The following GAD2 variants were observed in gnomAD, a reference collection of about 807,000 sequenced individuals.
GAD2 encodes the protein glutamate decarboxylase 2.
A neutral mutation model predicts 80.1 loss-of-function variants in GAD2; 22 were observed. The observed-to-expected ratio is 0.27, with a 90% CI of 0.20 to 0.39. The LOEUF (loss-of-function observed/expected upper bound fraction) is 0.39. Among genes scored for constraint, GAD2 ranks in the 10% least tolerant of loss-of-function variants. The pLI, the probability that GAD2 is intolerant of heterozygous loss-of-function variation, is 1.00. For missense variants in GAD2, 624 were observed against 738.4 expected, an observed-to-expected ratio of 0.85 and a Z score of 1.80; for synonymous variants, 274 against 256.9, an observed-to-expected ratio of 1.07 and a Z score of -0.64.
chr10:26,229,598 G>A, intron 6 of GAD2, 64 bp from the exon 7 acceptor site: 2 of 1,145,920 alleles, frequency 1.7e-6, no homozygotes, highest in Non-Finnish European at 2.6e-6. Flanking sequence ...AATAAGGAAT[G>A]TTGCTTGCAT....
intron 12 of GAD2, among the ~76,000 whole-genome samples, chr10:26,281,838 T>C (rs142942849): frequency 6.6e-6 from 1 of 152,224 alleles, no homozygotes; most frequent in Non-Finnish European, 1.5e-5. Flanking sequence ...ATTTTGTTGA[T>C]GAAACCCAAA....
chr10:26,246,312 C>T (rs1844809491), intron 8 of GAD2, among the ~76,000 whole-genome samples: 1 of 152,162 alleles, frequency 6.6e-6, no homozygotes, highest in African/African-American at 2.4e-5. Context: ...GCACTTTGAG[C>T]ACTGATTTAT....
chr10:26,279,257 T>C (rs1845246263), intron 11 of GAD2, among the ~76,000 whole-genome samples: 1 of 151,994 alleles, frequency 6.6e-6, no homozygotes, highest in Non-Finnish European at 1.5e-5. Flanking sequence ...ACAGAGATCA[T>C]ACTGAAAGAA....
At chr10:26,259,759 G>A (rs895936799) in intron 8 of GAD2, among the ~76,000 whole-genome samples, 1 of 152,056 alleles carries the variant, frequency 6.6e-6, no homozygotes, top group African/African-American at 2.4e-5. Context: ...CCTTTGGTAT[G>A]ATGTCCAAGA....
chr10:26,217,794 G>A lies in GAD2; in HGVS notation c.137-48G>A, dbSNP rs1474851650. 2 of 1,580,122 alleles carry A rather than the reference G, an allele frequency of 1.3e-6. No individual in the cohort carries two copies. The highest frequency in any genetic ancestry group is 1.7e-6 in the Non-Finnish European group (2 of 1,162,376). ...GCGGGTAGGCGGGAGCGAGGGAGCC[G>A]GGCCCGGCGGAGGATTGACGAGGCC... On this transcript the variant is annotated intron_variant, in intron 2 of 15. Transcript: ENST00000376261. The surrounding 1 kb of genome is among the most constrained non-coding windows in gnomAD (Gnocchi z 4.9).
intron 8 of GAD2, among the ~76,000 whole-genome samples, chr10:26,257,944 A>G (rs1844963164): frequency 6.6e-6 from 1 of 152,164 alleles, no homozygotes; most frequent in African/African-American, 2.4e-5. Flanking sequence ...GAGACACCGA[A>G]TCGATTATTC....
chr10:26,226,742 A>T (rs1460477751), intron 6 of GAD2, among the ~76,000 whole-genome samples: 1 of 152,226 alleles, frequency 6.6e-6, no homozygotes, highest in Non-Finnish European at 1.5e-5. Context: ...ATACTGTGTC[A>T]TAGCTCCATC....
intron 8 of GAD2, among the ~76,000 whole-genome samples, chr10:26,263,977 G>T (rs538991335): frequency 6.6e-6 from 1 of 152,152 alleles, no homozygotes; most frequent in Non-Finnish European, 1.5e-5. Flanking sequence ...TCTAGGTTTT[G>T]TTATCAGACA....
At position 26,242,235 on chromosome 10, in the gene GAD2, C is replaced by T. The variant is rs1056887956; in HGVS notation, c.841-3686C>T. ...TCTCCTGACCTCGTGATCCGCCTGC[C>T]TCAGCCTCCCAAAGTGCTGGGATTA... On this transcript the variant is annotated intron_variant, in intron 7 of 15. Coordinates refer to ENST00000376261, the MANE Select transcript of GAD2 (RefSeq NM_001134366.2). Among the ~76,000 whole-genome samples the T allele has an allele frequency of 7.2e-5, 11 of 152,210 alleles. No homozygotes were observed. In the East Asian group the frequency reaches 7.7e-4, roughly 11 times the overall value.
chr10:26,248,231 A>G (rs956789543), intron 8 of GAD2, among the ~76,000 whole-genome samples: 3 of 152,230 alleles, frequency 2.0e-5, no homozygotes, highest in African/African-American at 4.8e-5. Context: ...AGGGTGGGAT[A>G]TCTTGAAGCA....
At chr10:26,216,645 G>T (rs1260473917), upstream of GAD2, 1 of 491,788 alleles carries the variant, frequency 2.0e-6, no homozygotes, top group Non-Finnish European at 3.5e-6. This position sits in a 1 kb window ranked among gnomAD's most constrained non-coding sequence, Gnocchi z 4.7. Context: ...AGACACGCAC[G>T]TTTTCTGTTC....
intron 13 of GAD2, 70 bp from the exon 14 acceptor site, chr10:26,292,395 C>A: frequency 3.6e-6 from 4 of 1,105,338 alleles, no homozygotes; most frequent in South Asian, 2.6e-5. Context: ...GGATGACGGT[C>A]AGTCTCCAGG....
At chr10:26,245,884 A>G (rs1442116210) in intron 7 of GAD2, 37 bp from the exon 8 acceptor site, 1 of 1,491,018 alleles carries the variant, frequency 6.7e-7, no homozygotes, top group Non-Finnish European at 9.3e-7. Context: ...TTGTCTGTAT[A>G]TGGAACTAAT....
chr10:26,251,343 G>C (rs2132292026), intron 8 of GAD2, among the ~76,000 whole-genome samples: 1 of 152,260 alleles, frequency 6.6e-6, no homozygotes, highest in African/African-American at 2.4e-5. Context: ...TTTGGAGCTG[G>C]CTTTGGAGCT....
At chr10:26,299,367 G>A (rs1014310110) in intron 15 of GAD2, among the ~76,000 whole-genome samples, 5 of 152,042 alleles carry the variant, frequency 3.3e-5, no homozygotes, top group South Asian at 2.1e-4. Context: ...ATTTTGAACC[G>A]GGTTTCTGAC....
At chr10:26,239,096 T>A (rs1844710002) in intron 7 of GAD2, among the ~76,000 whole-genome samples, 1 of 152,046 alleles carries the variant, frequency 6.6e-6, no homozygotes, top group Non-Finnish European at 1.5e-5. Flanking sequence ...TGATCCCCAT[T>A]CCCCACACAC....
chr10:26,298,253 G>C (rs965583246), intron 15 of GAD2, among the ~76,000 whole-genome samples: 1 of 152,182 alleles, frequency 6.6e-6, no homozygotes, highest in East Asian at 1.9e-4. Context: ...AGTTGATATA[G>C]GAGTGTCTAT....
intron 8 of GAD2, among the ~76,000 whole-genome samples, chr10:26,248,172 G>A (rs1200159152): frequency 6.6e-6 from 1 of 152,190 alleles, no homozygotes; most frequent in Admixed American, 6.5e-5. Context: ...AGAAGTTACA[G>A]GCAAATTGCA....
intron 5 of GAD2, 34 bp downstream of exon 5, chr10:26,224,011 G>A (rs779806263): frequency 8.4e-6 from 12 of 1,432,888 alleles, no homozygotes; most frequent in Non-Finnish European, 5.9e-6. Context: ...TGTAATTTAG[G>A]ATAATTATTA....
Sources: gnomAD v4.1 joint callset for allele counts (sites outside exome capture counted in the v4.1 genomes callset) on GRCh38, gnomAD v4.1.1 for gene constraint, Gnocchi (gnomAD v3.1) non-coding constraint, MANE v1.5 for transcripts, NCBI Gene and HGNC (gene_info 2026-07-23, HGNC 2026-07-21) for gene names.